LARGE1: variants seen among roughly 807,000 people sequenced by gnomAD.
LARGE1 encodes xylosyl- and glucuronyltransferase LARGE1.
LARGE1 carries 43 observed loss-of-function variants against 87.6 expected under a neutral mutation model. That is an observed-to-expected ratio of 0.49 (90% CI 0.38 to 0.63). The LOEUF (loss-of-function observed/expected upper bound fraction) is 0.63, where lower values mean the gene tolerates loss of function less well. Ranked by LOEUF, LARGE1 falls within the 30% of genes least tolerant of loss-of-function variation. LARGE1 has a pLI of 0.00. For synonymous variants in LARGE1, 434 were observed against 394.6 expected, an observed-to-expected ratio of 1.10 and a Z score of -1.18; for missense variants, 802 against 1,000.2, an observed-to-expected ratio of 0.80 and a Z score of 2.67.
intron 2 of LARGE1, among the ~76,000 whole-genome samples, chr22:33,690,651 CAA>C (rs2082073690): frequency 7.3e-6 from 1 of 136,546 alleles, no homozygotes; most frequent in Non-Finnish European, 1.5e-5. Flanking sequence ...AGTGAGAAGG[CAA>C]AGAGACCAGA....
chr22:33,780,616 T>C (rs1441080198), intron 1 of LARGE1, among the ~76,000 whole-genome samples: 10 of 152,192 alleles, frequency 6.6e-5, no homozygotes, highest in Admixed American at 1.3e-4. Context: ...AATTTCAGCA[T>C]CCAAATTAAA....
At chr22:33,533,943 ATTTC>A (rs2076968459) in intron 6 of LARGE1, among the ~76,000 whole-genome samples, 1 of 139,886 alleles carries the variant, frequency 7.1e-6, no homozygotes, top group African/African-American at 2.7e-5. Context: ...TTTCCTATCC[ATTTC>A]TTTATTTTTT....
At chr22:33,160,213 C>G (rs1466529883), downstream of LARGE1, among the ~76,000 whole-genome samples, 1 of 152,160 alleles carries the variant, frequency 6.6e-6, no homozygotes, top group Non-Finnish European at 1.5e-5. Flanking sequence ...ATTGATATCT[C>G]TCTTGGTTTT....
chr22:33,532,882 A>G (rs1462432171), intron 6 of LARGE1, among the ~76,000 whole-genome samples: 3 of 152,222 alleles, frequency 2.0e-5, no homozygotes, highest in Non-Finnish European at 2.9e-5. Context: ...GTTTACTTGA[A>G]ATGGCCACTG....
At chr22:33,730,673 T>C (rs542699185) in intron 2 of LARGE1, among the ~76,000 whole-genome samples, 2 of 152,122 alleles carry the variant, frequency 1.3e-5, no homozygotes, top group Non-Finnish European at 2.9e-5. Context: ...TGCATTTCTA[T>C]TTTATTTTAT....
intron 2 of LARGE1, among the ~76,000 whole-genome samples, chr22:33,712,746 C>G (rs1424312637): frequency 6.6e-6 from 1 of 151,078 alleles, no homozygotes; most frequent in Non-Finnish European, 1.5e-5. Context: ...CTACTAGTCT[C>G]TAAAAAAGAA....
At chr22:33,606,921 C>T (rs761970230) in intron 4 of LARGE1, among the ~76,000 whole-genome samples, 25 of 152,140 alleles carry the variant, frequency 1.6e-4, no homozygotes, top group African/African-American at 3.6e-4. Context: ...CCATACGTAC[C>T]GGCCTACTCA....
intron 2 of LARGE1, among the ~76,000 whole-genome samples, chr22:33,758,230 G>A (rs1829415277): frequency 6.6e-6 from 1 of 152,118 alleles, no homozygotes; most frequent in Non-Finnish European, 1.5e-5. Flanking sequence ...TGTACACCCT[G>A]AGCCTCTGCT....
chr22:33,921,696 C>T (rs1049494289), upstream of LARGE1, among the ~76,000 whole-genome samples: 1 of 152,144 alleles, frequency 6.6e-6, no homozygotes, highest in Non-Finnish European at 1.5e-5. This position sits in a 1 kb window ranked among gnomAD's most constrained non-coding sequence, Gnocchi z 4.1. Flanking sequence ...GCACAACACG[C>T]CCCTCCCCTG....
intron 12 of LARGE1, among the ~76,000 whole-genome samples, chr22:33,298,449 G>A (rs1205160151): frequency 1.3e-5 from 2 of 152,196 alleles, no homozygotes; most frequent in African/African-American, 4.8e-5. Flanking sequence ...GGAAAAAGCA[G>A]TATGATTCCC....
At chr22:33,296,629 C>A (rs893371079) in intron 12 of LARGE1, among the ~76,000 whole-genome samples, 4 of 144,930 alleles carry the variant, frequency 2.8e-5, no homozygotes, top group Admixed American at 2.1e-4. Flanking sequence ...AGTGCAATGG[C>A]GCGATCTCAT....
intron 6 of LARGE1, among the ~76,000 whole-genome samples, chr22:33,531,888 T>C (rs534688270): frequency 4.1e-4 from 63 of 152,348 alleles, no homozygotes; most frequent in South Asian, 2.7e-3. Context: ...GAGAAGATTA[T>C]CTTGCCGGGT....
At chr22:33,087,381 A>G in the LARGE1 span, among the ~76,000 whole-genome samples, 3 of 152,206 alleles carry the variant, frequency 2.0e-5, no homozygotes, top group Non-Finnish European at 4.4e-5. Context: ...TCAAAGATAC[A>G]TGTTACAATA....
chr22:33,371,981 C>T (rs1420755788), intron 9 of LARGE1, among the ~76,000 whole-genome samples: 1 of 141,186 alleles, frequency 7.1e-6, no homozygotes, highest in Non-Finnish European at 1.5e-5. Flanking sequence ...GAGACTCCAT[C>T]TCAAAAAAAA....
the LARGE1 span, among the ~76,000 whole-genome samples, chr22:33,127,275 TGAGCAACCCAG>T: frequency 6.6e-6 from 1 of 152,132 alleles, no homozygotes; most frequent in Non-Finnish European, 1.5e-5. Flanking sequence ...CGTGAGACAA[TGAGCAACCCAG>T]GATTAAGAAA....
chr22:33,580,616 C>T (rs751035852), intron 5 of LARGE1, among the ~76,000 whole-genome samples: 8 of 152,114 alleles, frequency 5.3e-5, no homozygotes, highest in South Asian at 4.1e-4. Context: ...TCCTTTATAA[C>T]GGCTGGTTTT....
Position 33,648,222 on chromosome 22 carries a change from G to A in LARGE1, c.408+2145C>T, listed in dbSNP as rs899487499. On this transcript the variant is annotated intron_variant, in intron 3 of 14. Coordinates refer to ENST00000397394, the MANE Select transcript of LARGE1 (RefSeq NM_133642.5). Reference sequence around the variant, plus strand: ...GGTCTTTGGTCTACACAATTGTACAGGGGACTCCCAAATTACAATGAGTTA... The same window carrying A: ...GGTCTTTGGTCTACACAATTGTACAAGGGACTCCCAAATTACAATGAGTTA... Among the ~76,000 whole-genome samples the A allele has an allele frequency of 1.2e-4, 18 of 152,198 alleles. 1 individual carries two copies. The highest frequency in any genetic ancestry group is 8.5e-4 in the Admixed American group (13 of 15,278).
intron 1 of LARGE1, among the ~76,000 whole-genome samples, chr22:33,866,982 C>T (rs1030941565): frequency 1.3e-5 from 2 of 152,134 alleles, no homozygotes; most frequent in Non-Finnish European, 2.9e-5. Flanking sequence ...CAGCATATTA[C>T]GTATTCTCAG....
At chr22:33,196,979 T>C (rs1007480102) in intron 11 of LARGE1, among the ~76,000 whole-genome samples, 1 of 152,156 alleles carries the variant, frequency 6.6e-6, no homozygotes, top group Non-Finnish European at 1.5e-5. Flanking sequence ...GATGTGGTTT[T>C]CCCAGAAATT....
Sources: gnomAD v4.1 joint callset for allele counts (sites outside exome capture counted in the v4.1 genomes callset) on GRCh38, gnomAD v4.1.1 for gene constraint, Gnocchi (gnomAD v3.1) non-coding constraint, MANE v1.5 for transcripts, NCBI Gene and HGNC (gene_info 2026-07-23, HGNC 2026-07-21) for gene names.